Variants in CLSTN1 observed in about 807,000 individuals in gnomAD.
CLSTN1 encodes calsyntenin 1, also known as calsyntenin-1.
Under a neutral mutation model 108.3 loss-of-function variants are expected in CLSTN1, and 28 were observed. The ratio of observed to expected loss-of-function variants is 0.26; its 90% confidence interval spans 0.19 to 0.35. The LOEUF (loss-of-function observed/expected upper bound fraction) is 0.35. Ranked by LOEUF, CLSTN1 falls within the 10% of genes least tolerant of loss-of-function variation. CLSTN1 has a pLI of 1.00. For missense variants in CLSTN1, 1,157 were observed against 1,302.6 expected (o/e 0.89, Z 1.72); for synonymous variants, 524 against 534.9 (o/e 0.98, Z 0.28).
Position 9,730,426 on chromosome 1 carries a change from T to C in CLSTN1, c.*82A>G. On this transcript the variant is annotated 3_prime_UTR_variant, in exon 19 of 19. Coordinates refer to ENST00000377298, the MANE Select transcript of CLSTN1 (RefSeq NM_001009566.3). The surrounding 1 kb of genome is among the most constrained non-coding windows in gnomAD (Gnocchi z 5.6). ...ACACCTACTGGCCGAAATGACTTTG[T>C]ACATCGTGGACCCTTGGGACTGGGA... The C allele has an allele frequency of 7.5e-7, 1 of 1,340,426 alleles. No individual in the cohort carries two copies. The highest frequency in any genetic ancestry group is 1.1e-6 in the Non-Finnish European group (1 of 949,790). 83.0% of individuals were successfully genotyped at this position (1,340,426 alleles called of 1,614,324 possible). A position where few individuals can be genotyped will look rare whatever the true frequency, so the allele number is the denominator to read the frequency against.
rs762619559 is a variant in CLSTN1 at position 9,760,684 on chromosome 1, G to GTTT, written c.215-4177_215-4175dup. ...ACAGGTGCATGCCACCCATTCCCGG[G>GTTT]TTTTTTTTTTTTTTTTTTTTTTTGG... On this transcript the variant is annotated intron_variant, in intron 2 of 18. Transcript: ENST00000377298. Among the ~76,000 whole-genome samples, 166 of 102,416 alleles carry GTTT rather than the reference G, an allele frequency of 1.6e-3. 2 individuals are homozygous for GTTT. Among genetic ancestry groups the GTTT allele is most frequent in the African/African-American group, 5.8e-3 (134 of 23,256 alleles). The allele number at this position is 102,416 out of a possible 152,430, so 67.2% of individuals were successfully genotyped here. A position where few individuals can be genotyped will look rare whatever the true frequency, so the allele number is the denominator to read the frequency against.
rs58703418 is a variant in CLSTN1 at position 9,745,228 on chromosome 1, C to CA, written c.986-586dup. ...TGGGCAACAGAGCGAGACTCCGTCT[C>CA]AAAAAAAAAAAAAAAAAACAAAAAG... On this transcript the variant is annotated intron_variant, in intron 7 of 18. Transcript: ENST00000377298. 6.2e-3 allele frequency among the ~76,000 whole-genome samples: 677 copies of CA among 109,200 alleles called. 7 individuals are homozygous for CA. The highest frequency in any genetic ancestry group is 0.031 in the Middle Eastern group (7 of 224). The allele number at this position is 109,200 out of a possible 152,430, so 71.6% of individuals were successfully genotyped here.
In CLSTN1 at chr1:9,735,605, T is replaced by A. The variant is rs765052589; in HGVS notation, c.1745A>T (p.His582Leu). Reference sequence around the variant, plus strand: ...CAAGGTCAATACCAACTGGCTGGGGTGTGCTTGGATCTGAAATCACACCAG... The same window carrying A: ...CAAGGTCAATACCAACTGGCTGGGGAGTGCTTGGATCTGAAATCACACCAG... The part of the protein sequence containing the change: ...DSGRGVQIQA[H>L]PSQLVLTLEG... Residue 582 changes from histidine to leucine, a missense_variant, in exon 13 of 19, where the codon CAC (histidine) becomes CTC (leucine). His to Leu is a moderately conservative substitution (Grantham distance 99, BLOSUM62 -3). Transcript: ENST00000377298. 1.2e-6 allele frequency: 2 copies of A among 1,613,834 alleles called. No individual in the cohort carries two copies. The highest frequency in any genetic ancestry group is 1.7e-6 in the Non-Finnish European group (2 of 1,180,012).
Position 9,735,999 on chromosome 1 carries a change from A to G in CLSTN1, c.1620T>C (p.Ala540=), listed in dbSNP as rs1478217935. The change falls in exon 12 of 19, where the codon GCT becomes GCC. Residue 540 remains alanine (A), a synonymous_variant. Coordinates refer to ENST00000377298, the MANE Select transcript of CLSTN1 (RefSeq NM_001009566.3). The part of the protein sequence containing the change: ...HMTQFFRGNL[A]GLTLRSGKLA... ...GTTTCCCGGAACGGAGAGTTAAGCC[A>G]GCCAGATTGCCTCGGAAAAACTGGG... 15 of 1,614,090 alleles carry G rather than the reference A, an allele frequency of 9.3e-6. No homozygotes were observed. The highest frequency in any genetic ancestry group is 1.2e-5 in the Non-Finnish European group (14 of 1,180,056).
chr1:9,775,475 T>C (rs1341497268), intron 1 of CLSTN1, among the ~76,000 whole-genome samples: 2 of 147,034 alleles, frequency 1.4e-5, no homozygotes, highest in African/African-American at 4.9e-5. Flanking sequence ...ATTTAGCCCC[T>C]GTCTGCTTTG....
intron 1 of CLSTN1, among the ~76,000 whole-genome samples, chr1:9,797,158 T>C (rs1654046419): frequency 6.6e-6 from 1 of 152,166 alleles, no homozygotes; most frequent in Non-Finnish European, 1.5e-5. Flanking sequence ...TGTTAAAACC[T>C]TGGCCCCATC....
intron 1 of CLSTN1, among the ~76,000 whole-genome samples, chr1:9,777,368 C>T (rs2101175598): frequency 6.6e-6 from 1 of 151,498 alleles, no homozygotes; most frequent in East Asian, 1.9e-4. Context: ...ACTATAAATA[C>T]AAAAATTAGC....
rs117670702 is a variant in CLSTN1, at chr1:9,793,461, G to A, written c.92-20067C>T. On this transcript the variant is annotated intron_variant, in intron 1 of 18. Transcript: ENST00000377298. ...GTTAAACTGCACCCGCTGGGCCCCC[G>A]CTTCGAATCTGAGACAATCAATCTG... Among the ~76,000 whole-genome samples, 682 of 151,582 alleles carry A rather than the reference G, an allele frequency of 4.5e-3. 43 individuals are homozygous for A. The East Asian group carries it at 0.047, about 11-fold the overall frequency.
chr1:9,735,308 A>T lies in CLSTN1; in HGVS notation c.1884-134T>A, dbSNP rs935778422. The T allele has an allele frequency of 5.1e-6, 7 of 1,367,920 alleles. No homozygotes were observed. The African/African-American group carries it at 8.6e-5, about 17-fold the overall frequency. The allele number at this position is 1,367,920 out of a possible 1,614,324, so 84.7% of individuals were successfully genotyped here. A position where few individuals can be genotyped will look rare whatever the true frequency, so the allele number is the denominator to read the frequency against. ...GGGGCCACTCCAGGAACACACTTGC[A>T]AACAAGATGCGTAAATATCACTCAG... On this transcript the variant is annotated intron_variant, in intron 13 of 18. Coordinates refer to ENST00000377298, the MANE Select transcript of CLSTN1 (RefSeq NM_001009566.3).
chr1:9,778,735 C>A (rs572400553), intron 1 of CLSTN1, among the ~76,000 whole-genome samples: 9 of 152,086 alleles, frequency 5.9e-5, no homozygotes, highest in Non-Finnish European at 1.0e-4. Flanking sequence ...GAATAAGGGG[C>A]CGGATGCGGT....
chr1:9,823,540 T>G lies in CLSTN1; in HGVS notation c.91+103A>C. On this transcript the variant is annotated intron_variant, in intron 1 of 18. Transcript: ENST00000377298. The surrounding 1 kb of genome is among the most constrained non-coding windows in gnomAD (Gnocchi z 6.3). ...CGGCTCGAATCCCGGCATCCGGCCC[T>G]ACTCCCGCACCCGGACCCGAATCCC... 2 of 689,902 alleles carry G rather than the reference T, an allele frequency of 2.9e-6. No individual in the cohort carries two copies. The highest frequency in any genetic ancestry group is 7.1e-5 in the East Asian group (1 of 13,994). 42.7% of individuals were successfully genotyped at this position (689,902 alleles called of 1,614,324 possible). A position where few individuals can be genotyped will look rare whatever the true frequency, so the allele number is the denominator to read the frequency against.
In CLSTN1 at chr1:9,735,778, A is replaced by G. The variant is rs538237651; in HGVS notation, c.1734+107T>C. The G allele has an allele frequency of 1.1e-4, 167 of 1,509,754 alleles. 2 individuals are homozygous for G. The East Asian group carries it at 1.4e-3, about 13-fold the overall frequency. 93.5% of individuals were successfully genotyped at this position (1,509,754 alleles called of 1,614,324 possible). On this transcript the variant is annotated intron_variant, in intron 12 of 18. Coordinates refer to ENST00000377298, the MANE Select transcript of CLSTN1 (RefSeq NM_001009566.3). ...CCAGTGAACACAACTCTTTTACCCA[A>G]CAGTAAACGTATCAATCACAGATTA... is the stretch of plus-strand genomic sequence containing the variant.
intron 1 of CLSTN1, among the ~76,000 whole-genome samples, chr1:9,809,245 C>A (rs1654629251): frequency 6.6e-6 from 1 of 152,194 alleles, no homozygotes; most frequent in Non-Finnish European, 1.5e-5. Context: ...GACACACACC[C>A]CCCAGCCTCC....
At chr1:9,790,511 A>G (rs1485521079) in intron 1 of CLSTN1, among the ~76,000 whole-genome samples, 3 of 151,308 alleles carry the variant, frequency 2.0e-5, no homozygotes, top group African/African-American at 7.3e-5. Context: ...CTTCTTGCAC[A>G]TTGTTTGATT....
chr1:9,819,241 G>A (rs1655103954), intron 1 of CLSTN1, among the ~76,000 whole-genome samples: 1 of 151,988 alleles, frequency 6.6e-6, no homozygotes, highest in African/African-American at 2.4e-5. Flanking sequence ...TCTTATAAAT[G>A]AAAACTACCC....
Position 9,760,684 on chromosome 1 carries a change from GTTTTTTTTTTT to G in CLSTN1, c.215-4185_215-4175del, listed in dbSNP as rs762619559. Among the ~76,000 whole-genome samples, 11 of 102,408 alleles carry G rather than the reference GTTTTTTTTTTT, an allele frequency of 1.1e-4. 1 individual carries two copies. Among genetic ancestry groups the G allele is most frequent in the African/African-American group, 4.3e-4 (10 of 23,234 alleles). 67.2% of individuals were successfully genotyped at this position (102,408 alleles called of 152,430 possible). ...ACAGGTGCATGCCACCCATTCCCGG[GTTTTTTTTTTT>G]TTTTTTTTTTTTGGCTACAGGTGAG... is the stretch of plus-strand genomic sequence containing the variant. On this transcript the variant is annotated intron_variant, in intron 2 of 18. Transcript: ENST00000377298.
rs779073363 is a variant in CLSTN1, at chr1:9,730,721, G to T, written c.2749-16C>A. ...CCTCATAGGTCTGGCAAGGAGAAGT[G>T]ACGGCCACATGAGTCCGGCCCTGCC... On this transcript the variant is annotated splice_polypyrimidine_tract_variant and intron_variant, in intron 18 of 18. Transcript: ENST00000377298. The surrounding 1 kb of genome is among the most constrained non-coding windows in gnomAD (Gnocchi z 5.6). The T allele has an allele frequency of 6.3e-7, 1 of 1,583,408 alleles. No homozygotes were observed.
chr1:9,745,919 C>T (rs1651246741), intron 7 of CLSTN1, among the ~76,000 whole-genome samples: 1 of 151,830 alleles, frequency 6.6e-6, no homozygotes, highest in Non-Finnish European at 1.5e-5. Flanking sequence ...CAGGTGTGTG[C>T]CACCATGCCC....
intron 2 of CLSTN1, among the ~76,000 whole-genome samples, chr1:9,764,761 A>G (rs888680854): frequency 4.6e-5 from 7 of 151,860 alleles, no homozygotes; most frequent in African/African-American, 1.7e-4. Context: ...GGGCTGAACT[A>G]CAAGTTTCCT....
Sources: gnomAD v4.1 joint callset for allele counts (sites outside exome capture counted in the v4.1 genomes callset) on GRCh38, gnomAD v4.1.1 for gene constraint, Gnocchi (gnomAD v3.1) non-coding constraint, MANE v1.5 for transcripts, NCBI Gene and HGNC (gene_info 2026-07-23, HGNC 2026-07-21) for gene names.